GPR160: variants seen among roughly 807,000 people sequenced by gnomAD.
GPR160 encodes the protein G protein-coupled receptor 160, also known as probable G protein-coupled receptor 160.
Under a neutral mutation model 2.6 loss-of-function variants are expected in GPR160, and 2 were observed. That is an observed-to-expected ratio of 0.77 (90% CI 0.32 to 2.44). GPR160 has a LOEUF of 2.44. GPR160 is among the 30% of genes most tolerant of loss of function. The probability of loss-of-function intolerance (pLI) is 0.11; values close to 1 mark genes in which losing one functional copy is unlikely to be tolerated. For missense variants in GPR160, 351 were observed against 383.6 expected, an observed-to-expected ratio of 0.91 and a Z score of 0.71; for synonymous variants, 130 against 132.2, an observed-to-expected ratio of 0.98 and a Z score of 0.12.
chr3:170,077,769 G>A (rs944636242), intron 2 of GPR160: 7 of 152,488 alleles, frequency 4.6e-5, no homozygotes, highest in African/African-American at 1.4e-4. Flanking sequence ...AGCCATTAGT[G>A]CCGGGCAGCC....
intron 2 of GPR160, among the ~76,000 whole-genome samples, chr3:170,049,341 T>C (rs558578709): frequency 1.3e-5 from 2 of 152,328 alleles, no homozygotes; most frequent in Admixed American, 1.3e-4. Flanking sequence ...CATTCCCTAT[T>C]GTTAGACATT....
At chr3:170,060,577 A>G (rs1435509477) in intron 2 of GPR160, among the ~76,000 whole-genome samples, 1 of 152,106 alleles carries the variant, frequency 6.6e-6, no homozygotes, top group Non-Finnish European at 1.5e-5. Context: ...AGCCTGGGCA[A>G]CAGCAAGACC....
At chr3:170,054,507 G>A in intron 2 of GPR160, among the ~76,000 whole-genome samples, 1 of 152,126 alleles carries the variant, frequency 6.6e-6, no homozygotes, top group East Asian at 1.9e-4. Flanking sequence ...TAAGTGTACA[G>A]GTCAATGGCA....
Position 170,084,085 on chromosome 3 carries a change from T to C in GPR160, c.113T>C (p.Leu38Ser). 6.3e-7 allele frequency: 1 copy of C among 1,590,464 alleles called. No homozygotes were observed. The highest frequency in any genetic ancestry group is 8.6e-7 in the Non-Finnish European group (1 of 1,165,942). Reference protein sequence around the residue: ...LFLIILGKILLNILTLGMRRK... With the variant: ...LFLIILGKILSNILTLGMRRK... ...TTGATCATACTTGGGAAAATATTAT[T>C]AAATATCCTTACACTAGGAATGAGA... Residue 38 changes from leucine to serine, a missense_variant, in exon 4 of 4, where the codon TTA (leucine) becomes TCA (serine). Coordinates refer to ENST00000355897, the MANE Select transcript of GPR160 (RefSeq NM_014373.3).
chr3:170,056,392 G>C (rs530682037), intron 2 of GPR160, among the ~76,000 whole-genome samples: 2 of 152,260 alleles, frequency 1.3e-5, no homozygotes, highest in Non-Finnish European at 2.9e-5. Flanking sequence ...AACATTTTAC[G>C]GATCTGGAGG....
At chr3:170,055,489 T>G (rs1353391839) in intron 2 of GPR160, among the ~76,000 whole-genome samples, 1 of 151,926 alleles carries the variant, frequency 6.6e-6, no homozygotes, top group Non-Finnish European at 1.5e-5. Flanking sequence ...GAGTGGGGTC[T>G]CAGGGACTAT....
rs1392321411 is a variant in GPR160, at chr3:170,062,763, AG to A, written c.-192-17009del. 1.1e-5 allele frequency: 10 copies of A among 880,046 alleles called. No individual in the cohort carries two copies. The East Asian group carries it at 2.5e-4, about 22-fold the overall frequency. 54.5% of individuals were successfully genotyped at this position (880,046 alleles called of 1,614,324 possible). A position where few individuals can be genotyped will look rare whatever the true frequency, so the allele number is the denominator to read the frequency against. On this transcript the variant is annotated intron_variant, in intron 2 of 3. Coordinates refer to ENST00000355897, the MANE Select transcript of GPR160 (RefSeq NM_014373.3). ...TTTCTACCCTGTCCCAAGGAGCTCC[AG>A]GAAGGGCAAAGCGGAGCTGCAATTT...
chr3:170,082,259 T>C (rs1299072016), intron 3 of GPR160, among the ~76,000 whole-genome samples: 1 of 152,194 alleles, frequency 6.6e-6, no homozygotes, highest in East Asian at 1.9e-4. Flanking sequence ...ACTGTGAAAA[T>C]TTATCATGAC....
At chr3:170,074,952 G>T (rs1712779277) in intron 2 of GPR160, among the ~76,000 whole-genome samples, 1 of 152,130 alleles carries the variant, frequency 6.6e-6, no homozygotes, top group Non-Finnish European at 1.5e-5. Context: ...AGGGCCGGGT[G>T]CAGTGGCTCA....
intron 2 of GPR160, among the ~76,000 whole-genome samples, chr3:170,050,995 G>A (rs1216343821): frequency 6.6e-6 from 1 of 152,136 alleles, no homozygotes; most frequent in African/African-American, 2.4e-5. Context: ...TATAATTGCG[G>A]AGTCATGTGG....
chr3:170,085,004 A>C lies in GPR160; in HGVS notation c.*15A>C. The C allele has an allele frequency of 7.9e-7, 1 of 1,262,604 alleles. No homozygotes were observed. The highest frequency in any genetic ancestry group is 1.1e-6 in the Non-Finnish European group (1 of 913,856). 78.2% of individuals were successfully genotyped at this position (1,262,604 alleles called of 1,614,324 possible). ...TGATTTGTTAATATTATTAATTAAA[A>C]GTTACAGCTGTCATAAGATCATAAT... On this transcript the variant is annotated 3_prime_UTR_variant, in exon 4 of 4. Coordinates refer to ENST00000355897, the MANE Select transcript of GPR160 (RefSeq NM_014373.3).
rs1559988147 is a variant in GPR160 at position 170,064,823 on chromosome 3, GGA to G, written c.-192-14950_-192-14949del. On this transcript the variant is annotated intron_variant, in intron 2 of 3. Coordinates refer to ENST00000355897, the MANE Select transcript of GPR160 (RefSeq NM_014373.3). ...GTGAACCACCGCACCCAGCTATGCA[GGA>G]CCCATTCTTACTGAGTGAGACTCGG... 5.9e-5 allele frequency among the ~76,000 whole-genome samples: 9 copies of G among 152,160 alleles called. No homozygotes were observed. The East Asian group carries it at 1.5e-3, about 26-fold the overall frequency.
At chr3:170,060,827 G>A (rs1001327172) in intron 2 of GPR160, among the ~76,000 whole-genome samples, 1 of 152,058 alleles carries the variant, frequency 6.6e-6, no homozygotes, top group Non-Finnish European at 1.5e-5. Flanking sequence ...CCTTAATCAA[G>A]TGACCTAACA....
At chr3:170,077,114 C>G (rs1028052154) in intron 2 of GPR160, 1 of 152,198 alleles carries the variant, frequency 6.6e-6, no homozygotes, top group African/African-American at 2.4e-5. Context: ...AAGGCTATTT[C>G]TCCCACAGGC....
rs746134920 is a variant in GPR160 at position 170,085,049 on chromosome 3, C to G, written c.*60C>G. The G allele has an allele frequency of 1.0e-4, 90 of 892,220 alleles. No individual in the cohort carries two copies. The highest frequency in any genetic ancestry group is 1.4e-4 in the Non-Finnish European group (89 of 620,136). 55.3% of individuals were successfully genotyped at this position (892,220 alleles called of 1,614,324 possible). Reference sequence around the variant, plus strand: ...CATAATTTTATGAACAGAAAGAACTCAGGACATATTAAAAAATAAACTGAA... The same window carrying G: ...CATAATTTTATGAACAGAAAGAACTGAGGACATATTAAAAAATAAACTGAA... On this transcript the variant is annotated 3_prime_UTR_variant, in exon 4 of 4. Transcript: ENST00000355897.
chr3:170,049,806 C>T (rs1716876065), intron 2 of GPR160: 1 of 152,324 alleles, frequency 6.6e-6, no homozygotes, highest in Admixed American at 6.5e-5. Context: ...AGCAGCCTTC[C>T]TCAGGGTGTG....
chr3:170,050,410 A>AT (rs201539055), intron 2 of GPR160, among the ~76,000 whole-genome samples: 2,174 of 134,360 alleles, frequency 0.016, 27 homozygotes, highest in African/African-American at 0.038. Context: ...TGCTTAGCTA[A>AT]TTTTTTTTTT....
At position 170,083,954 on chromosome 3, in the gene GPR160, T is replaced by C. The variant is rs750803401; in HGVS notation, c.-19T>C. On this transcript the variant is annotated 5_prime_UTR_variant, in exon 4 of 4. Coordinates refer to ENST00000355897, the MANE Select transcript of GPR160 (RefSeq NM_014373.3). Reference sequence around the variant, plus strand: ...ATCATGTGTATTTCAGCAGGTCTTCTTGAAATTTAACTAAAAATATGACTG... The same window carrying C: ...ATCATGTGTATTTCAGCAGGTCTTCCTGAAATTTAACTAAAAATATGACTG... 3 of 1,407,120 alleles carry C rather than the reference T, an allele frequency of 2.1e-6. No homozygotes were observed. Among genetic ancestry groups the C allele is most frequent in the Admixed American group, 2.7e-5 (1 of 36,912 alleles). The allele number at this position is 1,407,120 out of a possible 1,614,324, so 87.2% of individuals were successfully genotyped here.
chr3:170,074,279 A>T (rs1428415504), intron 2 of GPR160, among the ~76,000 whole-genome samples: 3 of 152,202 alleles, frequency 2.0e-5, no homozygotes, highest in African/African-American at 7.2e-5. Flanking sequence ...AATTTATCGA[A>T]ATAAAGTTGT....
Sources: gnomAD v4.1 joint callset for allele counts (sites outside exome capture counted in the v4.1 genomes callset) on GRCh38, gnomAD v4.1.1 for gene constraint, MANE v1.5 for transcripts, NCBI Gene and HGNC (gene_info 2026-07-23, HGNC 2026-07-21) for gene names.